The following COG2 variants were observed in gnomAD, a reference collection of about 807,000 sequenced individuals.
The protein encoded by COG2 is component of oligomeric golgi complex 2.
In COG2, 52 loss-of-function variants were observed where a neutral mutation model predicts 90.6. The observed-to-expected ratio is 0.57, with a 90% CI of 0.46 to 0.72. The LOEUF is 0.72. Among genes scored for constraint, COG2 ranks in the 30% least tolerant of loss-of-function variants. The probability of loss-of-function intolerance (pLI) is 0.00; values close to 1 mark genes in which losing one functional copy is unlikely to be tolerated. For missense variants in COG2, 829 were observed against 891.2 expected (o/e 0.93, Z 0.89); for synonymous variants, 337 against 320.4 (o/e 1.05, Z -0.55).
At chr1:230,684,973 C>G (rs1442426733) in intron 11 of COG2, 112 bp from the exon 12 acceptor site, 1 of 1,297,710 alleles carries the variant, frequency 7.7e-7, no homozygotes, top group Non-Finnish European at 1.1e-6. Flanking sequence ...TGGTTTTCTT[C>G]AGAAGGCCAT....
In COG2 at chr1:230,683,558, C is replaced by G. The variant is rs1386817252; in HGVS notation, c.1167-16C>G. ...AGAGTCATAAACATTAATTCTTCTT[C>G]TTGTTTTTATCTCAGATTTAGAGAA... On this transcript the variant is annotated splice_polypyrimidine_tract_variant and intron_variant, in intron 10 of 17. Transcript: ENST00000366669. The G allele has an allele frequency of 3.3e-6, 5 of 1,525,338 alleles. No homozygotes were observed. The African/African-American group carries it at 4.2e-5, about 13-fold the overall frequency. 94.5% of individuals were successfully genotyped at this position (1,525,338 alleles called of 1,614,324 possible). A position where few individuals can be genotyped will look rare whatever the true frequency, so the allele number is the denominator to read the frequency against.
intron 16 of COG2, among the ~76,000 whole-genome samples, 198 bp from the exon 17 acceptor site, chr1:230,691,186 T>C (rs182004829): frequency 3.3e-5 from 5 of 150,320 alleles, no homozygotes; most frequent in South Asian, 2.1e-4. Flanking sequence ...TATATATATA[T>C]ACGTATATAC....
In COG2 at chr1:230,685,154, A is replaced by C; in HGVS notation, c.1298A>C (p.Glu433Ala). 2 of 1,614,140 alleles carry C rather than the reference A, an allele frequency of 1.2e-6. No homozygotes were observed. The highest frequency in any genetic ancestry group is 1.7e-6 in the Non-Finnish European group (2 of 1,180,024). Reference protein sequence around the residue: ...WSSLRRCWSDEMFLPLLVHRL... With the variant: ...WSSLRRCWSDAMFLPLLVHRL... ...AGCCTTAGGAGGTGTTGGTCAGATGAGATGTTCTTGCCATTACTGGTGCAT... is the reference window on the plus strand; with the variant it reads ...AGCCTTAGGAGGTGTTGGTCAGATGCGATGTTCTTGCCATTACTGGTGCAT... Residue 433 changes from glutamate (E) to alanine (A), a missense_variant, in exon 12 of 18, where the codon GAG (glutamate) becomes GCG (alanine). Glu to Ala is a moderately radical substitution (Grantham distance 107). Transcript: ENST00000366669.
chr1:230,683,412 A>T, intron 10 of COG2, 162 bp from the exon 11 acceptor site: 3 of 149,506 alleles, frequency 2.0e-5, no homozygotes, highest in Non-Finnish European at 4.4e-5. Flanking sequence ...GTTCAGTTAA[A>T]AAAAAAAAAA....
chr1:230,677,967 C>G (rs2102765089), intron 9 of COG2: 1 of 969,108 alleles, frequency 1.0e-6, no homozygotes, highest in African/African-American at 1.8e-5. Context: ...AGACCACCCT[C>G]TGGGATAACA....
At chr1:230,689,443 A>G (rs1312443860) in intron 15 of COG2, among the ~76,000 whole-genome samples, 1 of 152,240 alleles carries the variant, frequency 6.6e-6, no homozygotes, top group East Asian at 1.9e-4. Context: ...TCACTCTGCT[A>G]GACACTTTGC....
At chr1:230,645,233 C>T (rs1275536185) in intron 1 of COG2, among the ~76,000 whole-genome samples, 3 of 91,042 alleles carry the variant, frequency 3.3e-5, no homozygotes. Flanking sequence ...GAGACCCTGT[C>T]AAAAAAAAAA....
At chr1:230,683,424 A>AG in intron 10 of COG2, 150 bp from the exon 11 acceptor site, 1 of 565,230 alleles carries the variant, frequency 1.8e-6, no homozygotes, top group Admixed American at 3.2e-5. Context: ...AAAAAAAAAA[A>AG]AAAAAGCCTG....
chr1:230,688,143 G>A lies in COG2; in HGVS notation c.1651G>A (p.Ala551Thr). 1.3e-6 allele frequency: 2 copies of A among 1,576,592 alleles called. No homozygotes were observed. Among genetic ancestry groups the A allele is most frequent in the East Asian group, 2.3e-5 (1 of 44,286 alleles). The change falls in exon 14 of 18, where the codon GCA becomes ACA. Residue 551 changes from alanine to threonine, a missense_variant and splice_region_variant. By Grantham distance (58) the Ala-to-Thr change is moderately conservative. Transcript: ENST00000366669. ...CTTTAAGAATTTTTCTTCTATCTCAGGTAAAAATGAATCTTGACTAAGCAA... is the reference window on the plus strand; with the variant it reads ...CTTTAAGAATTTTTCTTCTATCTCAAGTAAAAATGAATCTTGACTAAGCAA... ...IGFKNFSSIS[A>T]ALEDSQSSFS...
At chr1:230,672,853 G>A (rs1374518345) in intron 8 of COG2, among the ~76,000 whole-genome samples, 1 of 152,104 alleles carries the variant, frequency 6.6e-6, no homozygotes, top group Non-Finnish European at 1.5e-5. Context: ...CCCAGTTAGT[G>A]CTTGCAAAAT....
chr1:230,656,496 A>G (rs12566217), intron 1 of COG2, among the ~76,000 whole-genome samples: 24,824 of 152,156 alleles, frequency 0.16, 2,651 homozygotes, highest in Admixed American at 0.22. Context: ...TTTACTTCCA[A>G]TTATGTGGCC....
intron 9 of COG2, among the ~76,000 whole-genome samples, chr1:230,677,533 A>C (rs147927670): frequency 1.6e-4 from 25 of 152,372 alleles, no homozygotes; most frequent in African/African-American, 6.0e-4. Flanking sequence ...CAACATTTGT[A>C]ATTTTAAAAA....
chr1:230,673,188 G>A (rs1662498004), intron 8 of COG2, among the ~76,000 whole-genome samples: 1 of 152,180 alleles, frequency 6.6e-6, no homozygotes, highest in African/African-American at 2.4e-5. Context: ...GAGATGTCAA[G>A]CTTCAAAGCT....
chr1:230,682,283 C>A (rs568903372), intron 10 of COG2: 2 of 152,306 alleles, frequency 1.3e-5, no homozygotes, highest in Admixed American at 1.3e-4. Context: ...AGATTGAGCT[C>A]TAGGTGCTGG....
At chr1:230,653,524 G>A (rs3933264) in intron 1 of COG2, among the ~76,000 whole-genome samples, 3 of 19,220 alleles carry the variant, frequency 1.6e-4, no homozygotes, top group African/African-American at 8.3e-4. Flanking sequence ...CCCAGCCAGA[G>A]TTTGATTCTA....
chr1:230,646,756 G>T (rs1044789652), intron 1 of COG2, among the ~76,000 whole-genome samples: 1 of 151,918 alleles, frequency 6.6e-6, no homozygotes, highest in African/African-American at 2.4e-5. Flanking sequence ...CCTATCTCAG[G>T]TAATACTAGA....
At chr1:230,660,707 C>A in intron 2 of COG2, 51 bp from the exon 3 acceptor site, 1 of 1,270,526 alleles carries the variant, frequency 7.9e-7, no homozygotes, top group Non-Finnish European at 1.1e-6. Context: ...GGATACTTAG[C>A]TGTTACTCTT....
intron 13 of COG2, among the ~76,000 whole-genome samples, chr1:230,687,339 G>A (rs533385878): frequency 6.6e-6 from 1 of 152,274 alleles, no homozygotes; most frequent in African/African-American, 2.4e-5. Flanking sequence ...GGGTTTCTAA[G>A]GGTGTGCACT....
chr1:230,643,075 C>T (rs1661668563), intron 1 of COG2: 2 of 184,390 alleles, frequency 1.1e-5, no homozygotes, highest in Non-Finnish European at 2.2e-5. Context: ...CACGTACTTT[C>T]CTAGGGACTC....
Sources: allele counts gnomAD v4.1 joint callset (sites outside exome capture counted in the v4.1 genomes callset), GRCh38; gene constraint gnomAD v4.1.1; transcripts MANE v1.5; gene names NCBI Gene and HGNC (gene_info 2026-07-23, HGNC 2026-07-21).